ASIC2: variants seen among roughly 807,000 people sequenced by gnomAD.
ASIC2 encodes the protein acid-sensing ion channel 2.
In ASIC2, 25 loss-of-function variants were observed where a neutral mutation model predicts 57.3. The ratio of observed to expected loss-of-function variants is 0.44; its 90% CI spans 0.32 to 0.61. ASIC2 has a LOEUF of 0.61. ASIC2 is among the 20% of genes least tolerant of loss of function. ASIC2 has a pLI of 0.06. For missense variants in ASIC2, 641 were observed against 738.1 expected (o/e 0.87, Z 1.52); for synonymous variants, 319 against 307.5 (o/e 1.04, Z -0.39).
chr17:33,503,138 G>A (rs1209473525), intron 1 of ASIC2, among the ~76,000 whole-genome samples: 3 of 152,154 alleles, frequency 2.0e-5, no homozygotes, highest in Non-Finnish European at 2.9e-5. Context: ...GCGTGGAAGT[G>A]ATTTATAAAG....
chr17:33,040,986 C>T (rs1443658284), intron 3 of ASIC2, among the ~76,000 whole-genome samples: 1 of 152,122 alleles, frequency 6.6e-6, no homozygotes, highest in East Asian at 1.9e-4. Context: ...AGGCACAGGG[C>T]CAGACACTGG....
chr17:33,872,062 A>T lies in ASIC2; in HGVS notation c.555+283916T>A, dbSNP rs530355926. Among the ~76,000 whole-genome samples, 529 of 152,130 alleles carry T rather than the reference A, an allele frequency of 3.5e-3. 4 individuals are homozygous for T. Among genetic ancestry groups the T allele is most frequent in the African/African-American group, 0.012 (502 of 41,504 alleles). ...CACCCTACCCTAGAGTCACCATCCCATCTCCCTTGCAAGTGACTCGCCTGG... is the reference window on the plus strand; with the variant it reads ...CACCCTACCCTAGAGTCACCATCCCTTCTCCCTTGCAAGTGACTCGCCTGG... On this transcript the variant is annotated intron_variant, in intron 1 of 9. Transcript: ENST00000359872.
intron 3 of ASIC2, among the ~76,000 whole-genome samples, chr17:33,045,641 G>T (rs996910646): frequency 1.3e-5 from 2 of 151,390 alleles, no homozygotes; most frequent in African/African-American, 4.9e-5. Flanking sequence ...CCAGGGTCAT[G>T]GCGGGGGCCA....
chr17:33,765,342 T>A (rs1005789336), intron 1 of ASIC2, among the ~76,000 whole-genome samples: 8 of 152,112 alleles, frequency 5.3e-5, no homozygotes, highest in African/African-American at 1.9e-4. Flanking sequence ...CCTCCTGACC[T>A]CGTGATCCAC....
chr17:33,402,894 A>T (rs1597715689), intron 1 of ASIC2, among the ~76,000 whole-genome samples: 2 of 152,248 alleles, frequency 1.3e-5, no homozygotes, highest in Admixed American at 1.3e-4. Context: ...AGAAATGCAA[A>T]TCAAAATCAC....
chr17:34,021,358 T>C (rs147580526), intron 1 of ASIC2, among the ~76,000 whole-genome samples: 5 of 152,350 alleles, frequency 3.3e-5, no homozygotes, highest in African/African-American at 1.2e-4. Context: ...AAAGTCTATA[T>C]GGCCCCTGCC....
chr17:33,243,003 G>A (rs114941634), intron 1 of ASIC2, among the ~76,000 whole-genome samples: 3 of 152,256 alleles, frequency 2.0e-5, no homozygotes, highest in Admixed American at 6.5e-5. Context: ...TTCTGTTGCC[G>A]TGGCCAGATG....
chr17:34,123,471 C>A (rs1041115199), intron 1 of ASIC2, among the ~76,000 whole-genome samples: 5 of 152,174 alleles, frequency 3.3e-5, no homozygotes, highest in African/African-American at 1.2e-4. Flanking sequence ...CTGGCAGGTA[C>A]CTCTTGCTCA....
intron 1 of ASIC2, among the ~76,000 whole-genome samples, chr17:33,248,698 G>A (rs1908776436): frequency 2.6e-5 from 4 of 152,076 alleles, no homozygotes; most frequent in Admixed American, 1.3e-4. Flanking sequence ...CTTGGCTTGA[G>A]GCCACATCAC....
Position 33,634,162 on chromosome 17 carries a change from G to A in ASIC2, c.555+521816C>T, listed in dbSNP as rs147169042. On this transcript the variant is annotated intron_variant, in intron 1 of 9. Coordinates refer to the ASIC2 transcript ENST00000359872. ...GATTTCCCATTGCTGGGCCCTATAT[G>A]ACTGTCACACTCTCTAGTTCCCTGA... Among the ~76,000 whole-genome samples the A allele has an allele frequency of 5.9e-5, 9 of 152,286 alleles. No individual in the cohort carries two copies. In the East Asian group the frequency reaches 1.7e-3, roughly 29 times the overall value.
At chr17:34,100,518 C>T (rs1012688418) in intron 1 of ASIC2, among the ~76,000 whole-genome samples, 1 of 152,178 alleles carries the variant, frequency 6.6e-6, no homozygotes, top group African/African-American at 2.4e-5. Flanking sequence ...GAGCAATTAT[C>T]TTCAGACTTT....
rs568087246 is a variant in ASIC2, at chr17:33,089,850, G to A, written c.860-860C>T. ...CCTTTGGCAGAAGAAATGGCCCTTG[G>A]CAGTGGGAGGTTGGGGGCGGTACAG... On this transcript the variant is annotated intron_variant, in intron 2 of 9. Coordinates refer to ENST00000225823, the MANE Select transcript of ASIC2 (RefSeq NM_183377.2). Among the ~76,000 whole-genome samples the A allele has an allele frequency of 4.6e-5, 7 of 152,264 alleles. No homozygotes were observed. The East Asian group carries it at 1.4e-3, about 29-fold the overall frequency.
chr17:33,541,982 T>A (rs1915426674), intron 1 of ASIC2, among the ~76,000 whole-genome samples: 2 of 152,210 alleles, frequency 1.3e-5, no homozygotes, highest in Non-Finnish European at 2.9e-5. Context: ...TTCATGGGAA[T>A]AATGAAAGTT....
rs543117565 is a variant in ASIC2 at position 33,833,531 on chromosome 17, C to T, written c.555+322447G>A. On this transcript the variant is annotated intron_variant, in intron 1 of 9. Coordinates refer to the ASIC2 transcript ENST00000359872. ...GTATGTGCGTGTGTGTGTGTGTGTA[C>T]CTATGTGTTTGTGTTTGTGTGTGTG... Among the ~76,000 whole-genome samples the T allele has an allele frequency of 3.1e-3, 461 of 150,812 alleles. 4 individuals are homozygous for T. The highest frequency in any genetic ancestry group is 4.9e-3 in the Non-Finnish European group (331 of 67,616).
intron 1 of ASIC2, among the ~76,000 whole-genome samples, chr17:33,453,440 GC>G (rs1378062449): frequency 1.3e-5 from 2 of 152,146 alleles, no homozygotes; most frequent in African/African-American, 2.4e-5. Context: ...GATGGGGGAA[GC>G]TTTTTGAAAA....
At chr17:33,156,293 A>G (rs980615697) in intron 1 of ASIC2, among the ~76,000 whole-genome samples, 8 of 151,520 alleles carry the variant, frequency 5.3e-5, no homozygotes, top group Non-Finnish European at 8.8e-5. Context: ...GCACCTGGCT[A>G]ATTTTTGTAT....
intron 1 of ASIC2, among the ~76,000 whole-genome samples, chr17:33,463,765 C>G (rs1912720907): frequency 6.6e-6 from 1 of 152,250 alleles, no homozygotes; most frequent in African/African-American, 2.4e-5. Context: ...CGATCTCTCT[C>G]TCCTCTGCCC....
At chr17:33,092,404 TAG>T (rs1202335329) in intron 2 of ASIC2, among the ~76,000 whole-genome samples, 1 of 152,334 alleles carries the variant, frequency 6.6e-6, no homozygotes, top group East Asian at 1.9e-4. Flanking sequence ...GTAACAAATG[TAG>T]ACTGTTAGAG....
intron 1 of ASIC2, among the ~76,000 whole-genome samples, chr17:33,663,507 T>C (rs1049246399): frequency 2.7e-5 from 4 of 149,502 alleles, no homozygotes; most frequent in African/African-American, 9.8e-5. Context: ...TAAAGTGTGC[T>C]TATAGAGTCT....
Sources: allele counts gnomAD v4.1 joint callset (sites outside exome capture counted in the v4.1 genomes callset), GRCh38; gene constraint gnomAD v4.1.1; transcripts MANE v1.5; gene names NCBI Gene and HGNC (gene_info 2026-07-23, HGNC 2026-07-21).